The following DCDC2 variants were observed in gnomAD, a reference collection of about 807,000 sequenced individuals.
The protein encoded by DCDC2 is doublecortin domain containing 2, also known as doublecortin domain-containing protein 2.
DCDC2 carries 40 observed loss-of-function variants against 50.2 expected under a neutral mutation model. The ratio of observed to expected loss-of-function variants is 0.80; its 90% CI spans 0.62 to 1.04. DCDC2 has a LOEUF of 1.04. Among genes scored for constraint, DCDC2 ranks in the 50% least tolerant of loss-of-function variants. The probability of loss-of-function intolerance (pLI) is 0.00; values close to 1 mark genes in which losing one functional copy is unlikely to be tolerated. For missense variants in DCDC2, 570 were observed against 581.9 expected (o/e 0.98, Z 0.21); for synonymous variants, 234 against 210.6 (o/e 1.11, Z -0.96).
In DCDC2 at chr6:24,301,787, G is replaced by T. The variant is rs1157030767; in HGVS notation, c.485C>A (p.Thr162Asn). The change falls in exon 4 of 10, where the codon ACC becomes AAC. Residue 162 changes from threonine to asparagine, a missense_variant. Thr to Asn is a moderately conservative substitution (Grantham distance 65). Transcript: ENST00000378454. ...TAGTACATGATCCCACTGATTCAAG[G>T]TTTTTCTGGGGATAAGGAGGCGAGA... is the stretch of plus-strand genomic sequence containing the variant. ...PASRLLIPRK[T>N]LNQWDHVLQM... is the part of the protein sequence containing the mutation. 2 of 1,614,038 alleles carry T rather than the reference G, an allele frequency of 1.2e-6. No homozygotes were observed. Among genetic ancestry groups the T allele is most frequent in the African/African-American group, 2.7e-5 (2 of 74,922 alleles).
chr6:24,369,133 C>CAAA, the DCDC2 span, among the ~76,000 whole-genome samples: 11 of 92,772 alleles, frequency 1.2e-4, no homozygotes, highest in Admixed American at 2.3e-4. Context: ...GACTCTGTCT[C>CAAA]AAAAAAAAAA....
At chr6:24,372,890 C>T in the DCDC2 span, among the ~76,000 whole-genome samples, 6 of 151,980 alleles carry the variant, frequency 3.9e-5, no homozygotes, top group African/African-American at 1.4e-4. Context: ...ACGTTGTGCA[C>T]ATGTACCCTA....
At chr6:24,356,828 C>G (rs370513026) in intron 1 of DCDC2, 1 of 152,158 alleles carries the variant, frequency 6.6e-6, no homozygotes, top group Non-Finnish European at 1.5e-5. Flanking sequence ...AATAAGGACC[C>G]CTGCCCTTGA....
chr6:24,341,995 A>G (rs1304646625), intron 2 of DCDC2, among the ~76,000 whole-genome samples: 1 of 152,166 alleles, frequency 6.6e-6, no homozygotes, highest in East Asian at 1.9e-4. Flanking sequence ...TCTACATTAA[A>G]GAGAAATAAA....
chr6:24,298,768 T>A (rs530914300), intron 4 of DCDC2, among the ~76,000 whole-genome samples: 103 of 152,254 alleles, frequency 6.8e-4, no homozygotes, highest in Non-Finnish European at 1.2e-3. Context: ...ACTAGACAGG[T>A]AACAGTATGA....
intron 7 of DCDC2, among the ~76,000 whole-genome samples, chr6:24,222,101 G>A (rs867820425): frequency 4.7e-4 from 41 of 87,188 alleles, no homozygotes; most frequent in Non-Finnish European, 8.9e-4. Flanking sequence ...CTGGGGAAAA[G>A]GTGAGAAAAA....
At position 24,198,890 on chromosome 6, in the gene DCDC2, G is replaced by A. The variant is rs189542324; in HGVS notation, c.1023+6112C>T. On this transcript the variant is annotated intron_variant, in intron 8 of 9. Coordinates refer to ENST00000378454, the MANE Select transcript of DCDC2 (RefSeq NM_016356.5). ...CCCCTCACAGTGTAAACGAAGCCACGGGGAGCTTCGAACTGGGTGGAGCCC... is the reference window on the plus strand; with the variant it reads ...CCCCTCACAGTGTAAACGAAGCCACAGGGAGCTTCGAACTGGGTGGAGCCC... Among the ~76,000 whole-genome samples the A allele has an allele frequency of 8.5e-5, 13 of 152,292 alleles. No individual in the cohort carries two copies. The South Asian group carries it at 1.5e-3, about 17-fold the overall frequency.
chr6:24,314,741 G>A (rs1759631205), intron 2 of DCDC2, among the ~76,000 whole-genome samples: 2 of 151,784 alleles, frequency 1.3e-5, no homozygotes, highest in South Asian at 2.1e-4. Context: ...ATTTCACAAG[G>A]CAAACGTGAT....
In DCDC2 at chr6:24,173,399, A is replaced by G. The variant is rs1479109285; in HGVS notation, c.*1331T>C. On this transcript the variant is annotated 3_prime_UTR_variant, in exon 10 of 10. Transcript: ENST00000378454. The stretch of plus-strand genomic sequence containing the variant: ...TAATTGTGAATTTTAGAAAAGCACT[A>G]GAAGTTAAAATTTCAAGCTTACAAC... The G allele has an allele frequency of 6.6e-6, 1 of 152,204 alleles. No individual in the cohort carries two copies. Among genetic ancestry groups the G allele is most frequent in the African/African-American group, 2.4e-5 (1 of 41,468 alleles). 9.4% of individuals were successfully genotyped at this position (152,204 alleles called of 1,614,324 possible).
the DCDC2 span, among the ~76,000 whole-genome samples, chr6:24,371,276 C>CAAAAAAAAAAAA: frequency 9.8e-6 from 1 of 101,986 alleles, no homozygotes; most frequent in Non-Finnish European, 2.0e-5. Context: ...CACTCCATCT[C>CAAAAAAAAAAAA]AAAAAAAAAA....
intron 7 of DCDC2, among the ~76,000 whole-genome samples, chr6:24,275,025 C>T (rs1008012340): frequency 8.8e-5 from 13 of 148,568 alleles, no homozygotes; most frequent in African/African-American, 3.3e-4. Context: ...ATCTCTAAAA[C>T]CAAATTTTTG....
chr6:24,335,797 A>G (rs1466261361), intron 2 of DCDC2, among the ~76,000 whole-genome samples: 1 of 152,162 alleles, frequency 6.6e-6, no homozygotes, highest in Non-Finnish European at 1.5e-5. Flanking sequence ...TTACAAAACC[A>G]TTAGATCTCG....
intron 2 of DCDC2, among the ~76,000 whole-genome samples, chr6:24,326,156 GA>G (rs879660510): frequency 0.021 from 2,550 of 121,298 alleles, 75 homozygotes; most frequent in African/African-American, 0.049. Context: ...AGGAAGGAAA[GA>G]GAGGAAGGAA....
intron 2 of DCDC2, among the ~76,000 whole-genome samples, chr6:24,303,205 T>G (rs1385011148): frequency 6.6e-6 from 1 of 151,800 alleles, no homozygotes; most frequent in Non-Finnish European, 1.5e-5. Flanking sequence ...TATTCCGACT[T>G]CCTCCCTATC....
rs1189470209 is a variant in DCDC2, at chr6:24,327,249, CTA to C, written c.349-25207_349-25206del. On this transcript the variant is annotated intron_variant, in intron 2 of 9. Transcript: ENST00000378454. ...GGGCCACCCAGCTTAGGACTTTTGA[CTA>C]TAAACCCTGAGATCTCTCTCCCTTA... is the stretch of plus-strand genomic sequence containing the variant. Among the ~76,000 whole-genome samples the C allele has an allele frequency of 4.9e-4, 74 of 149,638 alleles. 1 individual carries two copies. Among genetic ancestry groups the C allele is most frequent in the African/African-American group, 1.6e-3 (68 of 41,422 alleles).
At chr6:24,249,049 C>T (rs1364911391) in intron 7 of DCDC2, among the ~76,000 whole-genome samples, 2 of 152,026 alleles carry the variant, frequency 1.3e-5, no homozygotes, top group Non-Finnish European at 2.9e-5. Context: ...CCATAATTTC[C>T]AAGGTTCCTT....
intron 2 of DCDC2, among the ~76,000 whole-genome samples, chr6:24,333,157 G>GAGGT (rs1253103268): frequency 4.6e-5 from 7 of 152,150 alleles, no homozygotes; most frequent in African/African-American, 1.7e-4. Flanking sequence ...CCTGAGATAA[G>GAGGT]AGGTAGCACA....
chr6:24,200,316 C>A (rs1451214900), intron 8 of DCDC2, among the ~76,000 whole-genome samples: 3 of 152,188 alleles, frequency 2.0e-5, no homozygotes, highest in Non-Finnish European at 4.4e-5. Context: ...AATCTCTCTG[C>A]AGAAACCCTA....
intron 7 of DCDC2, 52 bp from the exon 8 acceptor site, chr6:24,205,154 G>A (rs1458177575): frequency 6.2e-7 from 1 of 1,613,912 alleles, no homozygotes; most frequent in Non-Finnish European, 8.5e-7. Context: ...GACATCGTGT[G>A]GCTGAATGCT....
Sources: gnomAD v4.1 joint callset for allele counts (sites outside exome capture counted in the v4.1 genomes callset) on GRCh38, gnomAD v4.1.1 for gene constraint, MANE v1.5 for transcripts, NCBI Gene and HGNC (gene_info 2026-07-23, HGNC 2026-07-21) for gene names.